Variants in C5orf34 observed in about 807,000 individuals in gnomAD.
C5orf34 encodes the protein uncharacterized protein C5orf34.
In C5orf34, 73 loss-of-function variants were observed where a neutral mutation model predicts 78.4. The observed-to-expected ratio is 0.93, with a 90% CI of 0.77 to 1.13. The LOEUF (loss-of-function observed/expected upper bound fraction) is 1.13. Ranked by LOEUF, C5orf34 falls within the 50% of genes most tolerant of loss-of-function variation. The pLI is 0.00. For synonymous variants in C5orf34, 251 were observed against 246.6 expected (o/e 1.02, Z -0.17); for missense variants, 730 against 732.7 (o/e 1.00, Z 0.04).
chr5:43,490,552 C>A, intron 11 of C5orf34, 79 bp downstream of exon 11: 1 of 892,580 alleles, frequency 1.1e-6, no homozygotes, highest in South Asian at 1.6e-5. Context: ...GGAAAAAAGT[C>A]TCAGTTTACC....
At chr5:43,509,119 G>C (rs1304926955) in intron 2 of C5orf34, 26 bp downstream of exon 2, 1 of 1,589,044 alleles carries the variant, frequency 6.3e-7, no homozygotes, top group Admixed American at 1.8e-5. Context: ...AAACAAAAAA[G>C]TTGTTTACGT....
intron 1 of C5orf34, among the ~76,000 whole-genome samples, chr5:43,512,956 G>A (rs1383617057): frequency 1.3e-5 from 2 of 151,550 alleles, no homozygotes; most frequent in Non-Finnish European, 2.9e-5. Flanking sequence ...CTCATTTTTT[G>A]TATTTTTAGT....
rs150993100 is a variant in C5orf34, at chr5:43,500,162, T to A, written c.1152+2210A>T. Among the ~76,000 whole-genome samples the A allele has an allele frequency of 1.8e-3, 277 of 152,348 alleles. 9 individuals carry two copies. The highest frequency in any genetic ancestry group is 3.4e-3 in the Middle Eastern group (1 of 294). ...GCAATTTGGTAAGGGAAAAATGTTA[T>A]GTCATTGATATTTTAATTTGCATTT... On this transcript the variant is annotated intron_variant, in intron 6 of 12. Transcript: ENST00000306862.
rs1745707300 is a variant in C5orf34, at chr5:43,500,393, TTTAATTAAAAAAATTTTTTTG to T, written c.1152+1958_1152+1978del. On this transcript the variant is annotated intron_variant, in intron 6 of 12. Coordinates refer to ENST00000306862, the MANE Select transcript of C5orf34 (RefSeq NM_198566.4). The stretch of plus-strand genomic sequence containing the variant: ...TTTAACAGAAATTCTAAAATTTTCT[TTTAATTAAAAAAATTTTTTTG>T]AGACAGAGTCTTGCTCTGTCTCCTA... Among the ~76,000 whole-genome samples, 38 of 152,290 alleles carry T rather than the reference TTTAATTAAAAAAATTTTTTTG, an allele frequency of 2.5e-4. 1 individual carries two copies. The South Asian group carries it at 5.4e-3, about 22-fold the overall frequency.
intron 6 of C5orf34, among the ~76,000 whole-genome samples, chr5:43,498,181 G>A (rs1283393439): frequency 6.6e-6 from 1 of 152,202 alleles, no homozygotes; most frequent in African/African-American, 2.4e-5. Context: ...TTTTGCTCAT[G>A]TCTGTATCAT....
In C5orf34 at chr5:43,506,409, GAA is replaced by G. The variant is rs1174069444; in HGVS notation, c.286-17_286-16del. On this transcript the variant is annotated splice_polypyrimidine_tract_variant and intron_variant, in intron 3 of 12. Coordinates refer to ENST00000306862, the MANE Select transcript of C5orf34 (RefSeq NM_198566.4). ...ATGAAGATATGCTGCAAGGAGAGGG[GAA>G]AAGAGACGGTGAGTATTTTCTGTTA... The G allele has an allele frequency of 3.2e-6, 5 of 1,568,792 alleles. No individual in the cohort carries two copies. Among genetic ancestry groups the G allele is most frequent in the South Asian group, 2.4e-5 (2 of 84,356 alleles).
At chr5:43,491,093 AGACT>A (rs768693371) in intron 10 of C5orf34, among the ~76,000 whole-genome samples, 7 of 152,230 alleles carry the variant, frequency 4.6e-5, no homozygotes, top group Non-Finnish European at 5.9e-5. Context: ...ACACAAAATA[AGACT>A]GACTGAGCAT....
chr5:43,503,612 G>T, intron 5 of C5orf34, 53 bp downstream of exon 5: 1 of 1,157,544 alleles, frequency 8.6e-7, no homozygotes, highest in Non-Finnish European at 1.3e-6. Flanking sequence ...TCTTCTCTGT[G>T]ACATCAATAA....
chr5:43,507,383 A>G (rs1746029269), intron 3 of C5orf34, among the ~76,000 whole-genome samples: 1 of 152,234 alleles, frequency 6.6e-6, no homozygotes, highest in Non-Finnish European at 1.5e-5. Context: ...CGATGTTAGG[A>G]CACTAAAATT....
intron 9 of C5orf34, 58 bp from the exon 10 acceptor site, chr5:43,492,367 A>G (rs1745321611): frequency 9.6e-7 from 1 of 1,044,600 alleles, no homozygotes; most frequent in Non-Finnish European, 1.5e-6. Context: ...GAACATAAAC[A>G]ACCTATTCTA....
At chr5:43,497,252 T>C (rs1447495452) in intron 6 of C5orf34, among the ~76,000 whole-genome samples, 2 of 152,204 alleles carry the variant, frequency 1.3e-5, no homozygotes, top group Non-Finnish European at 2.9e-5. Context: ...TTTTAGATAA[T>C]ACTAAAAGGG....
intron 6 of C5orf34, among the ~76,000 whole-genome samples, chr5:43,500,888 T>C (rs149757851): frequency 6.6e-6 from 1 of 152,312 alleles, no homozygotes; most frequent in African/African-American, 2.4e-5. Flanking sequence ...TCATCTGAAA[T>C]TTATTTTGGA....
intron 6 of C5orf34, chr5:43,495,556 T>C (rs1172077021): frequency 1.2e-6 from 2 of 1,612,338 alleles, no homozygotes; most frequent in East Asian, 4.5e-5. Context: ...CAGGAAGAGC[T>C]TCACTCAAAG....
chr5:43,510,388 T>A (rs559863785), intron 1 of C5orf34, among the ~76,000 whole-genome samples: 10 of 152,194 alleles, frequency 6.6e-5, no homozygotes, highest in Non-Finnish European at 1.2e-4. Context: ...ATGCTCTCCA[T>A]ACAGCAGTGA....
chr5:43,500,008 C>G (rs929338314), intron 6 of C5orf34, among the ~76,000 whole-genome samples: 3 of 152,168 alleles, frequency 2.0e-5, no homozygotes, highest in Admixed American at 2.0e-4. Flanking sequence ...AATTTCTCAT[C>G]AATTTCATTT....
chr5:43,488,765 T>C lies in C5orf34; in HGVS notation c.1680-816A>G, dbSNP rs148731749. On this transcript the variant is annotated intron_variant, in intron 11 of 12. Transcript: ENST00000306862. ...CTAAGTGTGTGTTCTTTATCCTTTTTCTTATCAAGTTAGAATGAAATATGA... is the reference window on the plus strand; with the variant it reads ...CTAAGTGTGTGTTCTTTATCCTTTTCCTTATCAAGTTAGAATGAAATATGA... Among the ~76,000 whole-genome samples, 550 of 152,230 alleles carry C rather than the reference T, an allele frequency of 3.6e-3. 3 individuals carry two copies. The highest frequency in any genetic ancestry group is 0.013 in the African/African-American group (539 of 41,566).
intron 6 of C5orf34, among the ~76,000 whole-genome samples, chr5:43,498,691 T>C (rs1258644858): frequency 6.6e-6 from 1 of 152,198 alleles, no homozygotes; most frequent in Admixed American, 6.5e-5. Flanking sequence ...TATACATGTC[T>C]TCTGACTGGT....
chr5:43,493,495 A>T (rs1745368435), intron 8 of C5orf34, 48 bp downstream of exon 8: 1 of 1,157,580 alleles, frequency 8.6e-7, no homozygotes, highest in Non-Finnish European at 1.3e-6. Context: ...GGATATAAAC[A>T]ATAAAACAAT....
At chr5:43,498,785 AC>A (rs1235899476) in intron 6 of C5orf34, among the ~76,000 whole-genome samples, 3 of 152,206 alleles carry the variant, frequency 2.0e-5, no homozygotes, top group African/African-American at 7.2e-5. Flanking sequence ...TCACTTCCCT[AC>A]TTGAAATCAT....
Sources: allele counts gnomAD v4.1 joint callset (sites outside exome capture counted in the v4.1 genomes callset), GRCh38; gene constraint gnomAD v4.1.1; transcripts MANE v1.5; gene names NCBI Gene and HGNC (gene_info 2026-07-23, HGNC 2026-07-21).